TOR1AIP2: variants seen among roughly 807,000 people sequenced by gnomAD.
TOR1AIP2 encodes torsin-1A-interacting protein 2.
TOR1AIP2 carries 20 observed loss-of-function variants against 32.6 expected under a neutral mutation model. The observed-to-expected ratio is 0.61, with a 90% CI of 0.43 to 0.89. The LOEUF (loss-of-function observed/expected upper bound fraction) is 0.89, where lower values mean the gene tolerates loss of function less well. Ranked by LOEUF, TOR1AIP2 falls within the 40% of genes least tolerant of loss-of-function variation. TOR1AIP2 has a pLI of 0.00. For missense variants in TOR1AIP2, 456 were observed against 553.8 expected (o/e 0.82, Z 1.77); for synonymous variants, 214 against 210.8 (o/e 1.02, Z -0.13).
rs1558008132 is a variant in TOR1AIP2, at chr1:179,846,461, G to A, written c.1023C>T (p.Asp341=). The A allele has an allele frequency of 6.2e-7, 1 of 1,614,176 alleles. No individual in the cohort carries two copies. The change falls in exon 7 of 7, where the codon GAC becomes GAT. Residue 341 remains aspartate (D), a synonymous_variant. Transcript: ENST00000609928. ...DGAGRTWQDS[D]TVKLLVDLEL... is the part of the protein sequence containing the mutation. ...CCAGGTCAACCAACAGCTTGACCGT[G>A]TCACTGTCCTGCCAGGTCCTTCCAG...
intron 3 of TOR1AIP2, among the ~76,000 whole-genome samples, chr1:179,853,663 T>G (rs1490701112): frequency 6.6e-6 from 1 of 152,244 alleles, no homozygotes; most frequent in African/African-American, 2.4e-5. Context: ...ACTGGCCGTC[T>G]TTATGTTTTT....
chr1:179,850,466 G>A (rs1696073226), intron 5 of TOR1AIP2, among the ~76,000 whole-genome samples: 2 of 152,152 alleles, frequency 1.3e-5, no homozygotes, highest in Admixed American at 1.3e-4. Flanking sequence ...GTAACATTTA[G>A]TTTCCCAAAA....
rs1426333887 is a variant in TOR1AIP2, at chr1:179,844,233, T to C, written c.*1838A>G. ...CAGTGATATCACATTCACCATGCTT[T>C]AACTTTTTGTTCAGGTCTCTTCCCA... is the stretch of plus-strand genomic sequence containing the variant. On this transcript the variant is annotated 3_prime_UTR_variant, in exon 7 of 7. Transcript: ENST00000609928. 2 of 152,248 alleles carry C rather than the reference T, an allele frequency of 1.3e-5. No individual in the cohort carries two copies. Among genetic ancestry groups the C allele is most frequent in the African/African-American group, 4.8e-5 (2 of 41,460 alleles). The allele number at this position is 152,248 out of a possible 1,614,324, so 9.4% of individuals were successfully genotyped here.
intron 3 of TOR1AIP2, chr1:179,859,534 C>T (rs1696432331): frequency 3.3e-5 from 33 of 985,290 alleles, no homozygotes; most frequent in Non-Finnish European, 3.9e-5. Flanking sequence ...TGAATTTGTA[C>T]ATATCCTTCA....
At chr1:179,863,646 C>G (rs1473356823) in intron 3 of TOR1AIP2, 3 of 941,722 alleles carry the variant, frequency 3.2e-6, no homozygotes, top group African/African-American at 4.5e-5. Flanking sequence ...CTGGGTCATA[C>G]AGCAAGACTC....
intron 2 of TOR1AIP2, among the ~76,000 whole-genome samples, chr1:179,876,619 C>T (rs1278988788): frequency 6.6e-6 from 1 of 151,016 alleles, no homozygotes; most frequent in Non-Finnish European, 1.5e-5. Context: ...TTCCACTGGC[C>T]TTTTATATCC....
intron 2 of TOR1AIP2, among the ~76,000 whole-genome samples, chr1:179,871,360 T>G (rs1420554757): frequency 2.6e-5 from 4 of 152,240 alleles, no homozygotes; most frequent in Non-Finnish European, 5.9e-5. Context: ...AAGAAAATAG[T>G]ACTTTCACAC....
Position 179,841,115 on chromosome 1 carries a change from C to G in TOR1AIP2, c.*4956G>C, listed in dbSNP as rs984919718. 6 of 152,054 alleles carry G rather than the reference C, an allele frequency of 3.9e-5. No homozygotes were observed. Among genetic ancestry groups the G allele is most frequent in the Non-Finnish European group, 8.8e-5 (6 of 68,024 alleles). The allele number at this position is 152,054 out of a possible 1,614,324, so 9.4% of individuals were successfully genotyped here. On this transcript the variant is annotated 3_prime_UTR_variant, in exon 7 of 7. Coordinates refer to ENST00000609928, the MANE Select transcript of TOR1AIP2 (RefSeq NM_001199260.2). The stretch of plus-strand genomic sequence containing the variant: ...ACAGGTATCTTAACTTTATTTAGCT[C>G]TCTGTAGAATTAACATCTTTGCAAA...
intron 2 of TOR1AIP2, among the ~76,000 whole-genome samples, chr1:179,872,630 C>T (rs541633151): frequency 5.3e-5 from 8 of 152,316 alleles, no homozygotes; most frequent in African/African-American, 1.2e-4. Context: ...GAATGCCTGG[C>T]GCAGATCAAA....
At chr1:179,848,064 A>C (rs1315256863) in intron 5 of TOR1AIP2, among the ~76,000 whole-genome samples, 1 of 151,466 alleles carries the variant, frequency 6.6e-6, no homozygotes, top group African/African-American at 2.4e-5. Context: ...CAAAGTTAAC[A>C]TTTTTCCTGT....
At position 179,855,939 on chromosome 1, in the gene TOR1AIP2, G is replaced by A. The variant is rs530235066; in HGVS notation, c.-146-3128C>T. Among the ~76,000 whole-genome samples, 3 of 152,272 alleles carry A rather than the reference G, an allele frequency of 2.0e-5. No homozygotes were observed. In the East Asian group the frequency reaches 5.8e-4, roughly 29 times the overall value. On this transcript the variant is annotated intron_variant, in intron 3 of 6. Transcript: ENST00000609928. ...CACACCTGTAATACCAGCACTTTCA[G>A]AGGCCAAGGCAGACAGATCGGTTGA...
At chr1:179,872,451 T>C (rs1344865324) in intron 2 of TOR1AIP2, among the ~76,000 whole-genome samples, 1 of 152,240 alleles carries the variant, frequency 6.6e-6, no homozygotes, top group East Asian at 1.9e-4. Flanking sequence ...CTCTGTACCA[T>C]ATCCACTGTC....
chr1:179,854,675 A>C (rs538823304), intron 3 of TOR1AIP2, among the ~76,000 whole-genome samples: 3 of 152,290 alleles, frequency 2.0e-5, no homozygotes, highest in African/African-American at 7.2e-5. Context: ...GTTCGAGACC[A>C]GCCTGACCAA....
At chr1:179,865,250 A>G (rs753517687) in intron 3 of TOR1AIP2, 186 bp downstream of exon 3, 1 of 1,504,268 alleles carries the variant, frequency 6.6e-7, no homozygotes, top group African/African-American at 1.4e-5. Flanking sequence ...ACGCCCAAAC[A>G]CCAGTCCTAT....
intron 6 of TOR1AIP2, 35 bp downstream of exon 6, chr1:179,847,500 A>C: frequency 7.2e-7 from 1 of 1,388,390 alleles, no homozygotes; most frequent in African/African-American, 1.4e-5. Flanking sequence ...TCTGAAAGTG[A>C]ATCAACACTG....
At chr1:179,877,541 T>A (rs1011414409) in intron 1 of TOR1AIP2, among the ~76,000 whole-genome samples, 152 bp downstream of exon 1, 1 of 149,742 alleles carries the variant, frequency 6.7e-6, no homozygotes, top group Non-Finnish European at 1.5e-5. Context: ...GGCAAGTACC[T>A]GTCTCAAAAA....
intron 2 of TOR1AIP2, among the ~76,000 whole-genome samples, chr1:179,871,200 C>T (rs1176555337): frequency 6.6e-6 from 1 of 152,176 alleles, no homozygotes; most frequent in Non-Finnish European, 1.5e-5. Context: ...ACCTCCTTCA[C>T]TAAAAACAGT....
chr1:179,865,184 T>G (rs569525738), intron 3 of TOR1AIP2: 1 of 1,586,324 alleles, frequency 6.3e-7, no homozygotes, highest in East Asian at 2.2e-5. Flanking sequence ...CATCTGGACC[T>G]AGAAAGACAA....
intron 3 of TOR1AIP2, chr1:179,859,071 T>G: frequency 2.0e-6 from 2 of 983,892 alleles, no homozygotes; most frequent in Non-Finnish European, 2.4e-6. Context: ...ACAATTTTAT[T>G]TTAGTGAATG....
Sources: gnomAD v4.1 joint callset for allele counts (sites outside exome capture counted in the v4.1 genomes callset) on GRCh38, gnomAD v4.1.1 for gene constraint, MANE v1.5 for transcripts, NCBI Gene and HGNC (gene_info 2026-07-23, HGNC 2026-07-21) for gene names.